Variants in DLGAP2 observed in about 807,000 individuals in gnomAD.
DLGAP2 encodes the protein disks large-associated protein 2.
DLGAP2 carries 26 observed loss-of-function variants against 100.3 expected under a neutral mutation model. The observed-to-expected ratio is 0.26, with a 90% CI of 0.19 to 0.36. The LOEUF (loss-of-function observed/expected upper bound fraction) is 0.36, where lower values mean the gene tolerates loss of function less well. DLGAP2 is among the 10% of genes least tolerant of loss of function. The pLI, the probability that DLGAP2 is intolerant of heterozygous loss-of-function variation, is 1.00. For synonymous variants in DLGAP2, 886 were observed against 630.1 expected, an observed-to-expected ratio of 1.41 and a Z score of -6.08; for missense variants, 1,858 against 1,453.2, an observed-to-expected ratio of 1.28 and a Z score of -4.53.
chr8:1,150,621 G>T (rs888422931), intron 2 of DLGAP2, among the ~76,000 whole-genome samples: 1 of 152,200 alleles, frequency 6.6e-6, no homozygotes, highest in Non-Finnish European at 1.5e-5. Flanking sequence ...GAGAAGGGTG[G>T]TGTCCATGCC....
intron 3 of DLGAP2, among the ~76,000 whole-genome samples, chr8:1,382,135 A>G (rs1254657189): frequency 6.6e-6 from 1 of 152,242 alleles, no homozygotes; most frequent in Non-Finnish European, 1.5e-5. Context: ...AGCCTAAGCA[A>G]TAATACAGTC....
intron 1 of DLGAP2, among the ~76,000 whole-genome samples, chr8:885,345 C>T (rs1486815413): frequency 1.3e-5 from 2 of 152,076 alleles, no homozygotes; most frequent in Non-Finnish European, 2.9e-5. Context: ...CCTTCACATC[C>T]CTTGTTAGCT....
intron 4 of DLGAP2, among the ~76,000 whole-genome samples, chr8:1,523,357 C>G (rs1223264027): frequency 6.6e-6 from 1 of 152,232 alleles, no homozygotes; most frequent in Non-Finnish European, 1.5e-5. Flanking sequence ...CTTCCCACCC[C>G]GCGCCTCACA....
intron 2 of DLGAP2, among the ~76,000 whole-genome samples, chr8:1,018,420 T>G (rs970332976): frequency 6.6e-6 from 1 of 152,220 alleles, no homozygotes; most frequent in South Asian, 2.1e-4. Flanking sequence ...GTTTATTGTC[T>G]TATTAGTGAG....
At chr8:789,197 A>T (rs974052245) in intron 1 of DLGAP2, among the ~76,000 whole-genome samples, 15 of 152,228 alleles carry the variant, frequency 9.9e-5, no homozygotes, top group African/African-American at 3.6e-4. Flanking sequence ...GCTATAAAGA[A>T]ATAGGTGAAA....
At chr8:1,376,934 G>C (rs1489428086) in intron 3 of DLGAP2, among the ~76,000 whole-genome samples, 1 of 152,252 alleles carries the variant, frequency 6.6e-6, no homozygotes, top group East Asian at 1.9e-4. Flanking sequence ...TGCAGACGCA[G>C]TTCTGAAGGA....
At chr8:1,025,298 C>G (rs989113838) in intron 2 of DLGAP2, among the ~76,000 whole-genome samples, 2 of 152,158 alleles carry the variant, frequency 1.3e-5, no homozygotes, top group African/African-American at 2.4e-5. Flanking sequence ...ATCCTGAATC[C>G]AAACTTCATG....
chr8:1,050,193 A>G (rs1027058643), intron 2 of DLGAP2, among the ~76,000 whole-genome samples: 1 of 152,240 alleles, frequency 6.6e-6, no homozygotes, highest in Non-Finnish European at 1.5e-5. Context: ...CAGCTTTTAA[A>G]TATTCATTAT....
At chr8:1,091,399 A>G (rs1804176897) in intron 2 of DLGAP2, among the ~76,000 whole-genome samples, 1 of 152,008 alleles carries the variant, frequency 6.6e-6, no homozygotes, top group Non-Finnish European at 1.5e-5. Context: ...GCCTCAGTGG[A>G]TTCCTTTTCT....
intron 3 of DLGAP2, among the ~76,000 whole-genome samples, chr8:1,476,312 G>A (rs1403133529): frequency 1.3e-5 from 2 of 152,092 alleles, no homozygotes; most frequent in African/African-American, 2.4e-5. Flanking sequence ...ATACATCTAC[G>A]TGAGAGAGCA....
At chr8:767,548 G>C (rs551442185) in intron 1 of DLGAP2, among the ~76,000 whole-genome samples, 1 of 152,108 alleles carries the variant, frequency 6.6e-6, no homozygotes, top group East Asian at 1.9e-4. Context: ...GTAGAGACGG[G>C]GTTTCACCAT....
chr8:1,668,347 A>T lies in DLGAP2; in HGVS notation c.1829A>T (p.Tyr610Phe). The T allele has an allele frequency of 6.6e-7, 1 of 1,519,792 alleles. No individual in the cohort carries two copies. Among genetic ancestry groups the T allele is most frequent in the Admixed American group, 2.3e-5 (1 of 43,670 alleles). The allele number at this position is 1,519,792 out of a possible 1,614,324, so 94.1% of individuals were successfully genotyped here. ...RSTAAVSYTNYKKTPPPVPPR... is the reference protein window; with the variant it reads ...RSTAAVSYTNFKKTPPPVPPR... Reference sequence around the variant, plus strand: ...CTTACAGCTGTCTCATATACAAATTACAAGAAAACGCCCCCACCGGTGCCC... The same window carrying T: ...CTTACAGCTGTCTCATATACAAATTTCAAGAAAACGCCCCCACCGGTGCCC... Residue 610 changes from tyrosine to phenylalanine, a missense_variant, in exon 9 of 15, where the codon TAC (tyrosine) becomes TTC (phenylalanine). Transcript: ENST00000637795.
chr8:971,595 T>C (rs776819858), intron 2 of DLGAP2, among the ~76,000 whole-genome samples: 5 of 152,212 alleles, frequency 3.3e-5, no homozygotes, highest in African/African-American at 7.2e-5. Context: ...GGAGAGCCCA[T>C]TCTACTTGTG....
intron 4 of DLGAP2, among the ~76,000 whole-genome samples, chr8:1,506,493 G>A (rs79011534): frequency 0.018 from 2,747 of 152,208 alleles, 81 homozygotes; most frequent in African/African-American, 0.06. Flanking sequence ...GCAGATCTTC[G>A]CGGTGAGTGT....
intron 2 of DLGAP2, among the ~76,000 whole-genome samples, chr8:1,211,866 C>G (rs932222612): frequency 1.3e-5 from 2 of 152,198 alleles, no homozygotes; most frequent in Non-Finnish European, 2.9e-5. Context: ...CAGAGCGAGA[C>G]TTCGTCTCAA....
intron 3 of DLGAP2, among the ~76,000 whole-genome samples, chr8:1,340,231 C>G (rs543922337): frequency 7.2e-5 from 11 of 152,258 alleles, no homozygotes; most frequent in South Asian, 2.1e-4. Flanking sequence ...CAAAAATTGA[C>G]AAATGGGATT....
At chr8:1,368,269 G>A (rs1563109261) in intron 3 of DLGAP2, among the ~76,000 whole-genome samples, 1 of 151,846 alleles carries the variant, frequency 6.6e-6, no homozygotes, top group Non-Finnish European at 1.5e-5. Context: ...CGTGTGTGCA[G>A]GTATGTGTGT....
chr8:1,149,346 A>C (rs1796659557), intron 2 of DLGAP2, among the ~76,000 whole-genome samples: 1 of 151,930 alleles, frequency 6.6e-6, no homozygotes, highest in Admixed American at 6.6e-5. Context: ...GCGGAGTTTC[A>C]CTGTGTTAGC....
At chr8:1,328,974 C>G (rs913921869) in intron 3 of DLGAP2, among the ~76,000 whole-genome samples, 1 of 152,204 alleles carries the variant, frequency 6.6e-6, no homozygotes, top group Non-Finnish European at 1.5e-5. Context: ...ATGAATTATG[C>G]GTGGAAGGCA....
Sources: allele counts gnomAD v4.1 joint callset (sites outside exome capture counted in the v4.1 genomes callset), GRCh38; gene constraint gnomAD v4.1.1; transcripts MANE v1.5; gene names NCBI Gene and HGNC (gene_info 2026-07-23, HGNC 2026-07-21).